The following DCAF6 variants were observed in gnomAD, a reference collection of about 807,000 sequenced individuals.
DCAF6 encodes DDB1 and CUL4 associated factor 6.
In DCAF6, 54 loss-of-function variants were observed where a neutral mutation model predicts 125.1. The ratio of observed to expected loss-of-function variants is 0.43; its 90% CI spans 0.35 to 0.54. The LOEUF is 0.54. DCAF6 is among the 20% of genes least tolerant of loss of function. DCAF6 has a pLI of 0.01. For synonymous variants in DCAF6, 371 were observed against 390.4 expected (o/e 0.95, Z 0.58); for missense variants, 934 against 1,161.7 (o/e 0.80, Z 2.85).
intron 2 of DCAF6, among the ~76,000 whole-genome samples, chr1:167,957,368 T>C (rs1252548733): frequency 2.6e-5 from 4 of 152,186 alleles, no homozygotes; most frequent in Non-Finnish European, 4.4e-5. Flanking sequence ...TGGCTGTTAA[T>C]GTAAGGGTTC....
chr1:167,997,939 A>G (rs1370771672), intron 7 of DCAF6, among the ~76,000 whole-genome samples: 2 of 152,194 alleles, frequency 1.3e-5, no homozygotes, highest in Non-Finnish European at 2.9e-5. Flanking sequence ...GCAGATCACA[A>G]CCACAGTGAG....
At chr1:167,975,125 C>A in intron 4 of DCAF6, 110 bp downstream of exon 4, 1 of 538,042 alleles carries the variant, frequency 1.9e-6, no homozygotes, top group Non-Finnish European at 3.0e-6. Context: ...TGTGTATGCA[C>A]ATTTGATGCA....
chr1:168,032,815 A>G (rs1426692409), intron 12 of DCAF6, among the ~76,000 whole-genome samples: 1 of 152,212 alleles, frequency 6.6e-6, no homozygotes, highest in East Asian at 1.9e-4. Flanking sequence ...AATGTTGGGC[A>G]TGGTGGTTCT....
chr1:168,042,049 T>C (rs1366999285), intron 13 of DCAF6, among the ~76,000 whole-genome samples: 1 of 151,910 alleles, frequency 6.6e-6, no homozygotes, highest in Admixed American at 6.6e-5. Flanking sequence ...ATATACAGTT[T>C]TAGTTAAATA....
chr1:167,988,041 T>C (rs2102989068), intron 5 of DCAF6, among the ~76,000 whole-genome samples: 1 of 152,278 alleles, frequency 6.6e-6, no homozygotes, highest in Admixed American at 6.5e-5. Context: ...TTACATGTTA[T>C]CTTTTTTAAA....
intron 18 of DCAF6, chr1:168,064,063 G>T (rs1572160079): frequency 3.0e-5 from 4 of 135,314 alleles, no homozygotes; most frequent in Admixed American, 8.0e-5. Flanking sequence ...CTGTCTACCT[G>T]AAAAGTTTCT....
chr1:167,947,651 T>C (rs1370852309), intron 1 of DCAF6, among the ~76,000 whole-genome samples: 1 of 152,168 alleles, frequency 6.6e-6, no homozygotes, highest in African/African-American at 2.4e-5. Flanking sequence ...GCATGTTGTT[T>C]AATTGTTGTG....
chr1:167,918,831 G>T, the DCAF6 span, among the ~76,000 whole-genome samples: 1 of 151,918 alleles, frequency 6.6e-6, no homozygotes. Context: ...CTGACCTTGT[G>T]GTCTGCCTGC....
At chr1:167,930,622 T>C in the DCAF6 span, among the ~76,000 whole-genome samples, 117 of 152,326 alleles carry the variant, frequency 7.7e-4, no homozygotes, top group African/African-American at 2.7e-3. Flanking sequence ...AGCTCCCTCA[T>C]TTTTATAAAT....
At chr1:167,922,619 G>C in the DCAF6 span, among the ~76,000 whole-genome samples, 2 of 151,762 alleles carry the variant, frequency 1.3e-5, no homozygotes, top group East Asian at 1.9e-4. Context: ...CTGCTCCCTA[G>C]ATCTCTGTAA....
intron 1 of DCAF6, among the ~76,000 whole-genome samples, chr1:167,945,068 C>A (rs1478086179): frequency 6.6e-6 from 1 of 152,132 alleles, no homozygotes; most frequent in African/African-American, 2.4e-5. Flanking sequence ...CTATGCTGTT[C>A]CATTGACCTG....
chr1:167,935,789 T>C, upstream of DCAF6: 2 of 1,561,888 alleles, frequency 1.3e-6, no homozygotes, highest in East Asian at 2.4e-5. Flanking sequence ...CTCCACTTTA[T>C]CGAGGAGCCG....
the DCAF6 span, among the ~76,000 whole-genome samples, chr1:167,877,730 G>C: frequency 6.6e-6 from 1 of 152,196 alleles, no homozygotes; most frequent in Non-Finnish European, 1.5e-5. Context: ...AAGGGGGAAA[G>C]AGCTTAACTG....
chr1:167,864,999 A>C, the DCAF6 span, among the ~76,000 whole-genome samples: 1 of 152,196 alleles, frequency 6.6e-6, no homozygotes, highest in Non-Finnish European at 1.5e-5. Flanking sequence ...TAAAGAAAGA[A>C]ATATTTGTAA....
At chr1:167,997,805 C>A (rs1376722829) in intron 7 of DCAF6, among the ~76,000 whole-genome samples, 1 of 151,966 alleles carries the variant, frequency 6.6e-6, no homozygotes, top group Non-Finnish European at 1.5e-5. Context: ...AGACAAATAT[C>A]CAAACTTAAA....
At chr1:167,994,501 A>G (rs1331382008) in intron 7 of DCAF6, among the ~76,000 whole-genome samples, 1 of 152,192 alleles carries the variant, frequency 6.6e-6, no homozygotes, top group African/African-American at 2.4e-5. Flanking sequence ...GATTTATAAC[A>G]GTAACCTTAG....
intron 12 of DCAF6, among the ~76,000 whole-genome samples, chr1:168,036,484 C>G (rs923025658): frequency 6.6e-6 from 1 of 152,110 alleles, no homozygotes; most frequent in African/African-American, 2.4e-5. Context: ...AAAACTAGCC[C>G]GAACTCAGTC....
chr1:167,962,180 A>C (rs2102796549), intron 2 of DCAF6, among the ~76,000 whole-genome samples: 1 of 152,232 alleles, frequency 6.6e-6, no homozygotes, highest in East Asian at 1.9e-4. Flanking sequence ...TTGTTGAATG[A>C]AGTAGTCTAT....
chr1:168,002,419 T>C (rs1682777072), intron 7 of DCAF6, 63 bp from the exon 8 acceptor site: 2 of 1,386,832 alleles, frequency 1.4e-6, no homozygotes, highest in South Asian at 1.2e-5. Context: ...TAAAGTATGC[T>C]TTAAGAGTTG....
Sources: allele counts gnomAD v4.1 joint callset (sites outside exome capture counted in the v4.1 genomes callset), GRCh38; gene constraint gnomAD v4.1.1; transcripts MANE v1.5; gene names NCBI Gene and HGNC (gene_info 2026-07-23, HGNC 2026-07-21).